The following RBFOX2 variants were observed in gnomAD, a reference collection of about 807,000 sequenced individuals.
RBFOX2 encodes RNA binding protein fox-1 homolog 2.
Under a neutral mutation model 49.1 loss-of-function variants are expected in RBFOX2, and 10 were observed. That is an observed-to-expected ratio of 0.20 (90% confidence interval 0.13 to 0.35). The LOEUF (loss-of-function observed/expected upper bound fraction) is 0.35, where lower values mean the gene tolerates loss of function less well. Among genes scored for constraint, RBFOX2 ranks in the 10% least tolerant of loss-of-function variants. The probability of loss-of-function intolerance (pLI) is 1.00; values close to 1 mark genes in which losing one functional copy is unlikely to be tolerated. For missense variants in RBFOX2, 323 were observed against 486.9 expected (o/e 0.66, Z 3.17); for synonymous variants, 183 against 187.4 (o/e 0.98, Z 0.19).
At chr22:35,971,912 TAAA>T (rs527896726) in intron 1 of RBFOX2, among the ~76,000 whole-genome samples, 7,069 of 56,438 alleles carry the variant, frequency 0.13, 263 homozygotes, top group African/African-American at 0.15. Context: ...TTTTTCTCCC[TAAA>T]AAAAAAAAAA....
intron 4 of RBFOX2, among the ~76,000 whole-genome samples, chr22:35,772,027 G>T (rs1942810919): frequency 6.6e-6 from 1 of 152,048 alleles, no homozygotes; most frequent in Admixed American, 6.6e-5. Context: ...GCTTCCAAAT[G>T]ATCATACAAC....
chr22:35,859,551 A>G (rs1297384085), intron 1 of RBFOX2, among the ~76,000 whole-genome samples: 2 of 152,224 alleles, frequency 1.3e-5, no homozygotes, highest in African/African-American at 4.8e-5. Context: ...ACTCCTTTGC[A>G]TGACACATGG....
intron 1 of RBFOX2, among the ~76,000 whole-genome samples, chr22:35,927,604 C>CAAAAAAA (rs361700): frequency 4.1e-5 from 2 of 49,176 alleles, no homozygotes; most frequent in Non-Finnish European, 8.0e-5. Flanking sequence ...AACTCCGTCT[C>CAAAAAAA]AAAAAAAAAA....
chr22:35,768,380 T>C (rs1941666323), intron 4 of RBFOX2, 31 bp from the exon 6 acceptor site: 5 of 1,557,276 alleles, frequency 3.2e-6, no homozygotes, highest in African/African-American at 1.4e-5. Context: ...GGGGAAAACA[T>C]GCACATCGTT....
chr22:35,994,182 A>AT (rs1042891806), intron 1 of RBFOX2: 10 of 129,338 alleles, frequency 7.7e-5, no homozygotes, highest in Non-Finnish European at 1.5e-4. Flanking sequence ...TAAAAATGGT[A>AT]AAAAAAAAAA....
exon 12 of RBFOX2, chr22:35,744,191 G>A (rs1302146011): frequency 6.2e-7 from 1 of 1,607,432 alleles, no homozygotes; most frequent in Non-Finnish European, 8.5e-7. Context: ...CATTTGCAGG[G>A]GTCTCACGTC....
chr22:35,834,109 A>G (rs1016748767), intron 1 of RBFOX2, among the ~76,000 whole-genome samples: 6 of 152,184 alleles, frequency 3.9e-5, no homozygotes, highest in Non-Finnish European at 8.8e-5. Context: ...AATACCCAAT[A>G]CCTACAAGGG....
upstream of RBFOX2, among the ~76,000 whole-genome samples, chr22:35,841,781 TA>T (rs1486829516): frequency 1.3e-5 from 2 of 152,216 alleles, no homozygotes; most frequent in Non-Finnish European, 2.9e-5. Context: ...GCTCTCCATT[TA>T]AAAAATAAAC....
intron 1 of RBFOX2, among the ~76,000 whole-genome samples, chr22:35,846,197 T>C (rs1484977528): frequency 6.7e-6 from 1 of 149,700 alleles, no homozygotes; most frequent in Non-Finnish European, 1.5e-5. Context: ...GTTAATATAA[T>C]TACATAAACT....
chr22:35,755,521 G>C (rs764357800), intron 9 of RBFOX2, among the ~76,000 whole-genome samples: 1 of 152,028 alleles, frequency 6.6e-6, no homozygotes, highest in African/African-American at 2.4e-5. Context: ...AATATCTGGC[G>C]TTTTCTCATT....
chr22:36,011,741 T>C (rs539143800), intron 1 of RBFOX2, among the ~76,000 whole-genome samples: 10 of 152,224 alleles, frequency 6.6e-5, no homozygotes, highest in Non-Finnish European at 1.0e-4. Flanking sequence ...TGTGAATATA[T>C]ATGCATTAAG....
rs759803854 is a variant in RBFOX2, at chr22:35,759,839, T to C, written c.887+49A>G. Reference sequence around the variant, plus strand: ...AAAGGGCCATGGTATTCTTTTTTGGTCCAACTGCTTATTTTAGAAACATAC... The same window carrying C: ...AAAGGGCCATGGTATTCTTTTTTGGCCCAACTGCTTATTTTAGAAACATAC... On this transcript the variant is annotated intron_variant, in intron 9 of 11. Transcript: ENST00000405409. This position sits in a 1 kb window ranked among gnomAD's most constrained non-coding sequence, Gnocchi z 4.6. The C allele has an allele frequency of 2.5e-6, 4 of 1,604,388 alleles. No individual in the cohort carries two copies. Among genetic ancestry groups the C allele is most frequent in the Non-Finnish European group, 3.4e-6 (4 of 1,172,774 alleles).
rs75906528 is a variant in RBFOX2 at position 35,790,160 on chromosome 22, G to A, written c.253-8414C>T. Among the ~76,000 whole-genome samples the A allele has an allele frequency of 4.7e-3, 710 of 152,296 alleles. 9 individuals are homozygous for A. The highest frequency in any genetic ancestry group is 0.016 in the African/African-American group (652 of 41,550). ...TTAATAAAATCTTATAGTACTGTGT[G>A]TACATGTTTTAATCAAGGCAGCAAA... On this transcript the variant is annotated intron_variant, in intron 2 of 11. Transcript: ENST00000405409.
Position 35,759,896 on chromosome 22 carries a change from G to C in RBFOX2, c.879C>G (p.Ala293=). The change falls in exon 9 of 12, where the codon GCC becomes GCG. Residue 293 remains alanine, a synonymous_variant. Transcript: ENST00000405409. The surrounding 1 kb of genome is among the most constrained non-coding windows in gnomAD (Gnocchi z 4.6). ...TGGAATCTAACGCTTACCCTGGATA[G>C]GCGGGGATGGCTGTTGGAGGTACCG... 1 of 1,613,478 alleles carries C rather than the reference G, an allele frequency of 6.2e-7. No homozygotes were observed. Among genetic ancestry groups the C allele is most frequent in the Non-Finnish European group, 8.5e-7 (1 of 1,179,776 alleles).
intron 1 of RBFOX2, among the ~76,000 whole-genome samples, chr22:35,903,358 T>G (rs879644640): frequency 6.6e-6 from 1 of 151,784 alleles, no homozygotes; most frequent in African/African-American, 2.4e-5. Flanking sequence ...TACAATGCCA[T>G]TTTTTTTGTT....
chr22:35,870,409 C>T (rs1023306547), intron 1 of RBFOX2, among the ~76,000 whole-genome samples: 2 of 151,986 alleles, frequency 1.3e-5, no homozygotes, highest in Non-Finnish European at 2.9e-5. Flanking sequence ...GAGGTGGAGG[C>T]TGCAGTGAGC....
intron 1 of RBFOX2, among the ~76,000 whole-genome samples, chr22:35,977,545 C>T (rs1186983913): frequency 6.6e-6 from 1 of 151,596 alleles, no homozygotes; most frequent in Non-Finnish European, 1.5e-5. Flanking sequence ...CCAGTGGCTG[C>T]GGATGCGAAG....
intron 1 of RBFOX2, among the ~76,000 whole-genome samples, chr22:35,954,077 GT>G (rs1023189845): frequency 2.6e-5 from 4 of 151,862 alleles, no homozygotes; most frequent in Non-Finnish European, 5.9e-5. Context: ...CAATATATAT[GT>G]TTTTTTATGT....
At chr22:35,818,595 G>A (rs1359829137) in intron 1 of RBFOX2, among the ~76,000 whole-genome samples, 1 of 152,058 alleles carries the variant, frequency 6.6e-6, no homozygotes, top group African/African-American at 2.4e-5. Context: ...ACCAGCCTGG[G>A]CAACATAGCG....
Sources: allele counts gnomAD v4.1 joint callset (sites outside exome capture counted in the v4.1 genomes callset), GRCh38; gene constraint gnomAD v4.1.1; non-coding constraint Gnocchi (gnomAD v3.1); transcripts MANE v1.5; gene names NCBI Gene and HGNC (gene_info 2026-07-23, HGNC 2026-07-21).